Variants in ROBO1 observed in about 807,000 individuals in gnomAD.
ROBO1 encodes roundabout homolog 1.
ROBO1 carries 149 observed loss-of-function variants against 195.9 expected under a neutral mutation model. The ratio of observed to expected loss-of-function variants is 0.76; its 90% CI spans 0.67 to 0.87. ROBO1 has a LOEUF of 0.87. ROBO1 is among the 40% of genes least tolerant of loss of function. The pLI, the probability that ROBO1 is intolerant of heterozygous loss-of-function variation, is 0.00. For synonymous variants in ROBO1, 816 were observed against 733.2 expected (o/e 1.11, Z -1.82); for missense variants, 1,933 against 2,068.3 (o/e 0.93, Z 1.27).
chr3:78,955,267 C>T (rs1342864515), intron 3 of ROBO1, among the ~76,000 whole-genome samples: 1 of 150,990 alleles, frequency 6.6e-6, no homozygotes. Flanking sequence ...TACAGGTAAA[C>T]TGTGTGTCAT....
At chr3:79,368,752 C>A (rs2036069569) in intron 2 of ROBO1, among the ~76,000 whole-genome samples, 1 of 152,134 alleles carries the variant, frequency 6.6e-6, no homozygotes, top group Admixed American at 6.5e-5. Flanking sequence ...CCTGCTCTGA[C>A]TGTGGATCCT....
At chr3:78,873,277 G>T (rs1304313034) in intron 4 of ROBO1, among the ~76,000 whole-genome samples, 2 of 152,166 alleles carry the variant, frequency 1.3e-5, no homozygotes, top group Non-Finnish European at 2.9e-5. Context: ...AGTCAAAAGG[G>T]GATGCATTGT....
intron 4 of ROBO1, among the ~76,000 whole-genome samples, chr3:78,770,602 T>C (rs2083348710): frequency 6.6e-6 from 1 of 152,348 alleles, no homozygotes; most frequent in African/African-American, 2.4e-5. Flanking sequence ...TGATAGTTTC[T>C]TTTGCTGTAC....
chr3:79,213,816 C>CTTTT (rs59942369), intron 2 of ROBO1, among the ~76,000 whole-genome samples: 1,186 of 74,420 alleles, frequency 0.016, no homozygotes, highest in African/African-American at 0.027. Context: ...TCTCCCCTTT[C>CTTTT]TTTTTTTTTT....
At chr3:78,648,353 T>TA (rs1706432484) in intron 19 of ROBO1, among the ~76,000 whole-genome samples, 1 of 152,150 alleles carries the variant, frequency 6.6e-6, no homozygotes, top group Non-Finnish European at 1.5e-5. Flanking sequence ...TTTTAAATTT[T>TA]AATTTCTTTG....
At chr3:79,122,596 T>G (rs1430921751) in intron 3 of ROBO1, among the ~76,000 whole-genome samples, 1 of 152,028 alleles carries the variant, frequency 6.6e-6, no homozygotes, top group Non-Finnish European at 1.5e-5. Flanking sequence ...TATATAGATT[T>G]TAAGATATGT....
chr3:79,573,670 C>T (rs1180537434), intron 2 of ROBO1, among the ~76,000 whole-genome samples: 5 of 152,082 alleles, frequency 3.3e-5, no homozygotes, highest in East Asian at 1.9e-4. Context: ...ATTACCAACA[C>T]ATTCAATTAG....
intron 2 of ROBO1, among the ~76,000 whole-genome samples, chr3:79,232,863 G>C (rs2082344573): frequency 6.6e-6 from 1 of 152,072 alleles, no homozygotes; most frequent in Non-Finnish European, 1.5e-5. Flanking sequence ...GCACAATGAG[G>C]AATACATGAA....
intron 2 of ROBO1, among the ~76,000 whole-genome samples, chr3:79,515,013 A>ATT (rs11398556): frequency 2.0e-5 from 3 of 151,390 alleles, no homozygotes; most frequent in African/African-American, 2.4e-5. Flanking sequence ...CAATTATACT[A>ATT]TTTTTTTTTC....
intron 29 of ROBO1, among the ~76,000 whole-genome samples, chr3:78,605,618 A>C (rs1703421366): frequency 6.6e-6 from 1 of 152,170 alleles, no homozygotes; most frequent in Non-Finnish European, 1.5e-5. Context: ...CTCTGTCCTC[A>C]CAACCTTTCT....
At chr3:78,959,279 A>G (rs534889115) in intron 3 of ROBO1, among the ~76,000 whole-genome samples, 259 of 134,228 alleles carry the variant, frequency 1.9e-3, no homozygotes, top group African/African-American at 6.0e-3. Context: ...CTGAAAGGCA[A>G]TATGTGTGAA....
At position 78,939,182 on chromosome 3, in the gene ROBO1, C is replaced by T. The variant is rs1357461945; in HGVS notation, c.173-255G>A. Among the ~76,000 whole-genome samples the T allele has an allele frequency of 2.6e-5, 4 of 152,148 alleles. No homozygotes were observed. In the East Asian group the frequency reaches 7.7e-4, roughly 29 times the overall value. ...CAAATCCTGTCCTCAAATCCCTCAT[C>T]CCCAGGTCCTTTCAGAACCCATTAC... On this transcript the variant is annotated intron_variant, in intron 3 of 30. Coordinates refer to ENST00000464233, the MANE Select transcript of ROBO1 (RefSeq NM_002941.4).
At chr3:79,268,178 C>T (rs1383872041) in intron 2 of ROBO1, among the ~76,000 whole-genome samples, 1 of 151,594 alleles carries the variant, frequency 6.6e-6, no homozygotes, top group East Asian at 1.9e-4. Context: ...TCATCCTTCA[C>T]TTCATTGGAA....
At chr3:79,641,648 A>G (rs957163279) in intron 1 of ROBO1, among the ~76,000 whole-genome samples, 1 of 152,014 alleles carries the variant, frequency 6.6e-6, no homozygotes, top group African/African-American at 2.4e-5. Flanking sequence ...AATTCAAAAT[A>G]GAAGTTTAAG....
chr3:79,646,282 A>G (rs2106710082), intron 1 of ROBO1, among the ~76,000 whole-genome samples: 1 of 152,290 alleles, frequency 6.6e-6, no homozygotes, highest in Admixed American at 6.5e-5. Flanking sequence ...AAGAAGACAC[A>G]CAAATGTCCA....
intron 2 of ROBO1, among the ~76,000 whole-genome samples, chr3:79,489,867 A>C (rs1043630515): frequency 1.1e-4 from 16 of 152,136 alleles, no homozygotes; most frequent in Admixed American, 3.3e-4. Flanking sequence ...GCTGCAATAC[A>C]GTATTCATAA....
chr3:78,695,231 C>T (rs985468850), intron 8 of ROBO1, among the ~76,000 whole-genome samples: 1 of 152,028 alleles, frequency 6.6e-6, no homozygotes, highest in Non-Finnish European at 1.5e-5. Context: ...AACAAACCTG[C>T]ACGTTGTACA....
At chr3:79,518,950 G>A (rs1380302133) in intron 2 of ROBO1, among the ~76,000 whole-genome samples, 1 of 151,992 alleles carries the variant, frequency 6.6e-6, no homozygotes, top group African/African-American at 2.4e-5. Context: ...AAAGTCCTGG[G>A]ATTACAGGTG....
At chr3:78,643,738 C>T (rs1706110268) in intron 21 of ROBO1, among the ~76,000 whole-genome samples, 1 of 152,020 alleles carries the variant, frequency 6.6e-6, no homozygotes, top group Admixed American at 6.6e-5. Flanking sequence ...ATATGCATTT[C>T]AAAAGATCGT....
Sources: gnomAD v4.1 joint callset for allele counts (sites outside exome capture counted in the v4.1 genomes callset) on GRCh38, gnomAD v4.1.1 for gene constraint, MANE v1.5 for transcripts, NCBI Gene and HGNC (gene_info 2026-07-23, HGNC 2026-07-21) for gene names.